The following ZNF385D variants were observed in gnomAD, a reference collection of about 807,000 sequenced individuals.
The protein encoded by ZNF385D is zinc finger protein 659.
A neutral mutation model predicts 35.8 loss-of-function variants in ZNF385D; 15 were observed. That is an observed-to-expected ratio of 0.42 (90% confidence interval 0.28 to 0.64). ZNF385D has a LOEUF of 0.64. Ranked by LOEUF, ZNF385D falls within the 30% of genes least tolerant of loss-of-function variation. The pLI is 0.23. For synonymous variants in ZNF385D, 212 were observed against 186.8 expected (o/e 1.13, Z -1.10); for missense variants, 474 against 494.6 (o/e 0.96, Z 0.39).
chr3:21,815,677 G>T (rs1438003495), intron 3 of ZNF385D, among the ~76,000 whole-genome samples: 1 of 152,142 alleles, frequency 6.6e-6, no homozygotes, highest in African/African-American at 2.4e-5. Context: ...CTGAAATTGA[G>T]ATAATAATTA....
intron 3 of ZNF385D, among the ~76,000 whole-genome samples, chr3:21,809,550 A>T (rs1044568097): frequency 6.6e-6 from 1 of 151,570 alleles, no homozygotes; most frequent in Non-Finnish European, 1.5e-5. Context: ...TTAAGAATGT[A>T]TATAACCCCT....
chr3:22,339,049 A>G (rs554591773), intron 2 of ZNF385D, among the ~76,000 whole-genome samples: 9 of 152,164 alleles, frequency 5.9e-5, no homozygotes, highest in African/African-American at 9.7e-5. Flanking sequence ...ATACATATAT[A>G]TAGAGAGATG....
chr3:22,199,727 A>T, intron 2 of ZNF385D, among the ~76,000 whole-genome samples: 1 of 152,258 alleles, frequency 6.6e-6, no homozygotes, highest in East Asian at 1.9e-4. Context: ...TACCCTTTTA[A>T]AGGGCTAAAT....
At chr3:21,601,240 TCA>T (rs769472066) in intron 2 of ZNF385D, among the ~76,000 whole-genome samples, 20 of 152,200 alleles carry the variant, frequency 1.3e-4, no homozygotes, top group Non-Finnish European at 2.6e-4. Context: ...GACCAGTTCC[TCA>T]AAAGATTTCT....
chr3:21,597,397 T>C (rs1559445267), intron 2 of ZNF385D, among the ~76,000 whole-genome samples: 1 of 151,016 alleles, frequency 6.6e-6, no homozygotes, highest in Non-Finnish European at 1.5e-5. Context: ...CACAAGAAAA[T>C]GAGCCATGAT....
chr3:21,831,837 T>G (rs1263940980), intron 3 of ZNF385D, among the ~76,000 whole-genome samples: 3 of 152,210 alleles, frequency 2.0e-5, no homozygotes, highest in Non-Finnish European at 4.4e-5. Flanking sequence ...TATTTTATCT[T>G]TAAAATTACA....
chr3:22,282,346 G>A (rs1030171483), intron 2 of ZNF385D, among the ~76,000 whole-genome samples: 2 of 151,894 alleles, frequency 1.3e-5, no homozygotes, highest in African/African-American at 2.4e-5. Flanking sequence ...AGCTCTTTCA[G>A]ACTTTTTGAT....
In ZNF385D at chr3:21,479,063, A is replaced by AG. The variant is rs538522349; in HGVS notation, c.439+31797_439+31798insC. On this transcript the variant is annotated intron_variant, in intron 4 of 7. Transcript: ENST00000281523. ...GTAAATATTGGGTATATATATATAA[A>AG]TTACTGTGACTACATTATTTCAGAT... Among the ~76,000 whole-genome samples the AG allele has an allele frequency of 1.4e-3, 210 of 151,992 alleles. 1 individual carries two copies. The highest frequency in any genetic ancestry group is 5.0e-3 in the African/African-American group (206 of 41,524).
chr3:21,796,087 G>A (rs1430794551), intron 3 of ZNF385D, among the ~76,000 whole-genome samples: 2 of 152,170 alleles, frequency 1.3e-5, no homozygotes, highest in African/African-American at 2.4e-5. Flanking sequence ...TCGACACTAT[G>A]AACAGTTGCT....
At chr3:21,725,675 T>C (rs1050208026) in intron 1 of ZNF385D, among the ~76,000 whole-genome samples, 28 of 152,106 alleles carry the variant, frequency 1.8e-4, no homozygotes, top group Admixed American at 1.3e-3. Flanking sequence ...AGTTCTGAAA[T>C]TGATGAATAG....
intron 1 of ZNF385D, among the ~76,000 whole-genome samples, chr3:21,679,607 C>T (rs959723382): frequency 6.6e-6 from 1 of 151,878 alleles, no homozygotes; most frequent in Non-Finnish European, 1.5e-5. Context: ...GTCATTAATA[C>T]TATTAGGTAC....
At chr3:21,925,533 C>A (rs1166561417) in intron 3 of ZNF385D, among the ~76,000 whole-genome samples, 2 of 151,894 alleles carry the variant, frequency 1.3e-5, no homozygotes, top group Non-Finnish European at 2.9e-5. Context: ...AAATAGAAAA[C>A]AATGGAGAAA....
chr3:22,303,499 T>G (rs911912627), intron 2 of ZNF385D, among the ~76,000 whole-genome samples: 2 of 152,178 alleles, frequency 1.3e-5, no homozygotes, highest in African/African-American at 4.8e-5. Context: ...TTTTAGTTTA[T>G]GAGGATTTTA....
chr3:21,863,274 A>C (rs1697157797), intron 3 of ZNF385D, among the ~76,000 whole-genome samples: 1 of 152,124 alleles, frequency 6.6e-6, no homozygotes, highest in Admixed American at 6.6e-5. Flanking sequence ...CATTCGTTTA[A>C]ATTTTATCAA....
intron 2 of ZNF385D, among the ~76,000 whole-genome samples, chr3:22,295,833 C>G (rs1255713312): frequency 6.6e-6 from 1 of 152,128 alleles, no homozygotes; most frequent in African/African-American, 2.4e-5. Context: ...TCAGAGAAAG[C>G]TACCACCCCT....
At chr3:21,638,258 G>A (rs1479604752) in intron 2 of ZNF385D, among the ~76,000 whole-genome samples, 1 of 151,956 alleles carries the variant, frequency 6.6e-6, no homozygotes, top group Admixed American at 6.6e-5. Flanking sequence ...CTGAGAAAAG[G>A]GCCTTGACAG....
At chr3:21,475,861 G>C (rs998626532) in intron 4 of ZNF385D, among the ~76,000 whole-genome samples, 2 of 151,774 alleles carry the variant, frequency 1.3e-5, no homozygotes, top group Non-Finnish European at 2.9e-5. Flanking sequence ...TTTTCTATTG[G>C]TATTTATGGT....
chr3:22,361,479 T>C (rs950935742), intron 2 of ZNF385D, among the ~76,000 whole-genome samples: 1 of 152,046 alleles, frequency 6.6e-6, no homozygotes, highest in Non-Finnish European at 1.5e-5. Flanking sequence ...TAAAAGTAGG[T>C]TATCTTCACA....
intron 2 of ZNF385D, among the ~76,000 whole-genome samples, chr3:22,173,563 G>A (rs892608224): frequency 2.6e-5 from 4 of 152,126 alleles, no homozygotes; most frequent in Non-Finnish European, 5.9e-5. Flanking sequence ...GAACTTGTGT[G>A]CTCTGGGAAA....
Sources: gnomAD v4.1 joint callset for allele counts (sites outside exome capture counted in the v4.1 genomes callset) on GRCh38, gnomAD v4.1.1 for gene constraint, MANE v1.5 for transcripts, NCBI Gene and HGNC (gene_info 2026-07-23, HGNC 2026-07-21) for gene names.